The following TMEM243 variants were observed in gnomAD, a reference collection of about 807,000 sequenced individuals.
TMEM243 encodes the protein transmembrane protein 243.
In TMEM243, 20 loss-of-function variants were observed where a neutral mutation model predicts 15.0. The ratio of observed to expected loss-of-function variants is 1.33; its 90% CI spans 0.94 to 1.93. The LOEUF is 1.93. Among genes scored for constraint, TMEM243 ranks in the 30% most tolerant of loss-of-function variants. The probability of loss-of-function intolerance (pLI) is 0.00; values close to 1 mark genes in which losing one functional copy is unlikely to be tolerated. For missense variants in TMEM243, 156 were observed against 142.1 expected (o/e 1.10, Z -0.50); for synonymous variants, 72 against 52.7 (o/e 1.37, Z -1.59).
intron 1 of TMEM243, among the ~76,000 whole-genome samples, chr7:87,200,177 C>T (rs1801681886): frequency 6.6e-6 from 1 of 152,112 alleles, no homozygotes. Context: ...TGTGTGTGAT[C>T]TAACCAAGGA....
At chr7:87,204,975 A>G (rs879590243) in intron 1 of TMEM243, among the ~76,000 whole-genome samples, 4 of 152,174 alleles carry the variant, frequency 2.6e-5, no homozygotes, top group Non-Finnish European at 4.4e-5. Flanking sequence ...TGTCCTCTAA[A>G]ATCTAGGCAA....
At chr7:87,213,313 A>G (rs1003472446) in intron 1 of TMEM243, among the ~76,000 whole-genome samples, 1 of 152,224 alleles carries the variant, frequency 6.6e-6, no homozygotes, top group African/African-American at 2.4e-5. Flanking sequence ...AAGTGATGGC[A>G]TTTATTTTTC....
chr7:87,207,406 T>C (rs1287459333), intron 1 of TMEM243, among the ~76,000 whole-genome samples: 13 of 9,254 alleles, frequency 1.4e-3, no homozygotes, highest in South Asian at 5.6e-3. Context: ...CCATCCTGGC[T>C]AACACGGTGA....
intron 1 of TMEM243, among the ~76,000 whole-genome samples, chr7:87,209,508 GAA>G (rs967699076): frequency 3.3e-5 from 4 of 121,220 alleles, no homozygotes; most frequent in African/African-American, 9.8e-5. Context: ...GAGAGAGTGA[GAA>G]AGACAGTGAG....
At chr7:87,198,808 G>A in intron 2 of TMEM243, 199 bp downstream of exon 2, 1 of 489,354 alleles carries the variant, frequency 2.0e-6, no homozygotes, top group African/African-American at 2.0e-5. Context: ...TTAAAACGAA[G>A]TTGTCTGACT....
At chr7:87,202,066 T>G (rs765815794) in intron 1 of TMEM243, among the ~76,000 whole-genome samples, 1 of 152,234 alleles carries the variant, frequency 6.6e-6, no homozygotes, top group African/African-American at 2.4e-5. Flanking sequence ...TGTATATATA[T>G]AGTTGAGATT....
At position 87,196,444 on chromosome 7, in the gene TMEM243, A is replaced by ATGTT. The variant is rs2129215246; in HGVS notation, c.*191_*192insAACA. On this transcript the variant is annotated 3_prime_UTR_variant, in exon 4 of 4. Coordinates refer to ENST00000257637, the MANE Select transcript of TMEM243 (RefSeq NM_024315.4). Reference sequence around the variant, plus strand: ...GGTTGGAATGTTTAGGTGCAACATCAGCTCCTTAAAGAAAAAGCAAAGTGA... The same window carrying ATGTT: ...GGTTGGAATGTTTAGGTGCAACATCATGTTGCTCCTTAAAGAAAAAGCAAAGTGA... 1 of 512,258 alleles carries ATGTT rather than the reference A, an allele frequency of 2.0e-6. No homozygotes were observed. Among genetic ancestry groups the ATGTT allele is most frequent in the South Asian group, 3.1e-5 (1 of 32,130 alleles). 31.7% of individuals were successfully genotyped at this position (512,258 alleles called of 1,614,324 possible). A position where few individuals can be genotyped will look rare whatever the true frequency, so the allele number is the denominator to read the frequency against.
intron 1 of TMEM243, among the ~76,000 whole-genome samples, chr7:87,206,290 T>C (rs1802213705): frequency 1.3e-5 from 2 of 152,162 alleles, no homozygotes; most frequent in Admixed American, 1.3e-4. Flanking sequence ...CTCAACACTA[T>C]CAACTTCACT....
chr7:87,199,947 G>A (rs572329343), intron 1 of TMEM243, among the ~76,000 whole-genome samples: 2 of 152,106 alleles, frequency 1.3e-5, no homozygotes, highest in South Asian at 2.1e-4. Context: ...CGAATCAGTC[G>A]TCTTAAATGT....
At chr7:87,200,404 C>T (rs1239526585) in intron 1 of TMEM243, among the ~76,000 whole-genome samples, 5 of 152,112 alleles carry the variant, frequency 3.3e-5, no homozygotes, top group African/African-American at 1.2e-4. Flanking sequence ...AACTTCTTCC[C>T]ACATGGGACA....
intron 1 of TMEM243, among the ~76,000 whole-genome samples, chr7:87,201,107 T>C (rs764538261): frequency 1.3e-4 from 20 of 152,230 alleles, no homozygotes; most frequent in Non-Finnish European, 2.5e-4. Context: ...GTTATTGTTA[T>C]AATGTAGTGG....
At chr7:87,217,756 T>TAGTA (rs566203714) in intron 1 of TMEM243, among the ~76,000 whole-genome samples, 1 of 152,232 alleles carries the variant, frequency 6.6e-6, no homozygotes, top group African/African-American at 2.4e-5. Flanking sequence ...TATATTCTTG[T>TAGTA]AGTAAGTAAG....
At position 87,219,587 on chromosome 7, in the gene TMEM243, T is replaced by A. The variant is rs575048552; in HGVS notation, c.-84A>T. 3 of 1,246,634 alleles carry A rather than the reference T, an allele frequency of 2.4e-6. No homozygotes were observed. Among genetic ancestry groups the A allele is most frequent in the South Asian group, 1.3e-5 (1 of 79,992 alleles). 77.2% of individuals were successfully genotyped at this position (1,246,634 alleles called of 1,614,324 possible). ...GGTCTCAGGTCCACGACTGCAAGCC[T>A]CCTCCTCACGGCTCCCGCATAGCCG... is the stretch of plus-strand genomic sequence containing the variant. On this transcript the variant is annotated 5_prime_UTR_variant, in exon 1 of 4. Transcript: ENST00000257637.
intron 1 of TMEM243, among the ~76,000 whole-genome samples, chr7:87,214,404 C>T (rs1314357612): frequency 6.6e-6 from 1 of 152,064 alleles, no homozygotes; most frequent in Non-Finnish European, 1.5e-5. Flanking sequence ...TTTTAGTTTA[C>T]CCTAGGGGGC....
Position 87,197,998 on chromosome 7 carries a change from C to T in TMEM243, c.177G>A (p.Pro59=), listed in dbSNP as rs376712723. Residue 59 remains proline (P), a synonymous_variant, in exon 3 of 4, where the codon CCG becomes CCA. Coordinates refer to ENST00000257637, the MANE Select transcript of TMEM243 (RefSeq NM_024315.4). ...TGCAGACAGCAAAGAATATATTCAACGGTTTTGGAGGTAGTTGAGGGAAAA... is the reference window on the plus strand; with the variant it reads ...TGCAGACAGCAAAGAATATATTCAATGGTTTTGGAGGTAGTTGAGGGAAAA... The part of the protein sequence containing the change: ...AFVFPQLPPK[P]LNIFFAVCIS... 1.9e-5 allele frequency: 30 copies of T among 1,612,662 alleles called. No homozygotes were observed. Among genetic ancestry groups the T allele is most frequent in the South Asian group, 1.2e-4 (11 of 91,036 alleles).
intron 3 of TMEM243, 142 bp from the exon 4 acceptor site, chr7:87,196,900 C>G: frequency 1.7e-6 from 1 of 589,972 alleles, no homozygotes; most frequent in East Asian, 3.0e-5. Context: ...TTCCTGAGAT[C>G]AGTACAGCCA....
At chr7:87,204,315 C>A (rs1802045534) in intron 1 of TMEM243, among the ~76,000 whole-genome samples, 1 of 152,166 alleles carries the variant, frequency 6.6e-6, no homozygotes, top group South Asian at 2.1e-4. Context: ...ACAATTTCAT[C>A]CCTGGCCCCT....
intron 1 of TMEM243, among the ~76,000 whole-genome samples, chr7:87,203,290 A>G (rs1035627502): frequency 1.3e-5 from 2 of 152,118 alleles, no homozygotes; most frequent in African/African-American, 4.8e-5. Flanking sequence ...GCTTTGGGGA[A>G]TGGTGGAATG....
intron 2 of TMEM243, 155 bp downstream of exon 2, chr7:87,198,852 G>A: frequency 5.0e-6 from 3 of 597,474 alleles, no homozygotes; most frequent in Non-Finnish European, 5.8e-6. Context: ...TGGGGGTGGG[G>A]CAGAATTAAA....
Sources: gnomAD v4.1 joint callset for allele counts (sites outside exome capture counted in the v4.1 genomes callset) on GRCh38, gnomAD v4.1.1 for gene constraint, MANE v1.5 for transcripts, NCBI Gene and HGNC (gene_info 2026-07-23, HGNC 2026-07-21) for gene names.